Variants in CDC42BPG observed in about 807,000 individuals in gnomAD.
The protein encoded by CDC42BPG is serine/threonine-protein kinase MRCK gamma.
A neutral mutation model predicts 192.2 loss-of-function variants in CDC42BPG; 157 were observed. The ratio of observed to expected loss-of-function variants is 0.82; its 90% CI spans 0.72 to 0.93. CDC42BPG has a LOEUF of 0.93. Ranked by LOEUF, CDC42BPG falls within the 40% of genes least tolerant of loss-of-function variation. The pLI is 0.00. For missense variants in CDC42BPG, 1,992 were observed against 2,122.1 expected, an observed-to-expected ratio of 0.94 and a Z score of 1.20; for synonymous variants, 981 against 918.5, an observed-to-expected ratio of 1.07 and a Z score of -1.23.
At position 64,832,362 on chromosome 11, in the gene CDC42BPG, G is replaced by A; in HGVS notation, c.3087+66C>T. On this transcript the variant is annotated intron_variant, in intron 27 of 36. Coordinates refer to ENST00000342711, the MANE Select transcript of CDC42BPG (RefSeq NM_017525.3). Reference sequence around the variant, plus strand: ...GAGGGCAGTATGAAGTGGGGGGACAGTGGCCAGAGCTGGGACAGCATGGGG... The same window carrying A: ...GAGGGCAGTATGAAGTGGGGGGACAATGGCCAGAGCTGGGACAGCATGGGG... The A allele has an allele frequency of 3.3e-6, 5 of 1,514,160 alleles. No homozygotes were observed. In the South Asian group the frequency reaches 4.7e-5, roughly 14 times the overall value. The allele number at this position is 1,514,160 out of a possible 1,614,324, so 93.8% of individuals were successfully genotyped here. A position where few individuals can be genotyped will look rare whatever the true frequency, so the allele number is the denominator to read the frequency against.
chr11:64,835,017 T>TGCCCCACCCCC, intron 17 of CDC42BPG, 30 bp downstream of exon 17: 1 of 1,571,958 alleles, frequency 6.4e-7, no homozygotes, highest in Non-Finnish European at 8.7e-7. Flanking sequence ...TCGCCTGCGT[T>TGCCCCACCCCC]CCCCACCCCG....
chr11:64,843,284 G>A (rs1443554082), intron 1 of CDC42BPG, among the ~76,000 whole-genome samples: 1 of 152,092 alleles, frequency 6.6e-6, no homozygotes, highest in Non-Finnish European at 1.5e-5. Flanking sequence ...AGGTGCTGGA[G>A]GCAGTCAGGG....
At chr11:64,835,724 G>A (rs780322905) in intron 14 of CDC42BPG, 38 bp downstream of exon 14, 1 of 1,611,500 alleles carries the variant, frequency 6.2e-7, no homozygotes, top group Non-Finnish European at 8.5e-7. Flanking sequence ...TCAGGCTGGT[G>A]GGGAAGCACC....
In CDC42BPG at chr11:64,832,502, G is replaced by C; in HGVS notation, c.3013C>G (p.Gln1005Glu). ...GCCAGGACAGGGGTAGCCGAGAACTGGGGGTCCCTGGGAGGTTCACAGAAC... is the reference window on the plus strand; with the variant it reads ...GCCAGGACAGGGGTAGCCGAGAACTCGGGGTCCCTGGGAGGTTCACAGAAC... Reference protein sequence around the residue: ...LLQVLDLRDPQFSATPVLASD... With the variant: ...LLQVLDLRDPEFSATPVLASD... Residue 1005 changes from glutamine to glutamate, a missense_variant, in exon 27 of 37, where the codon CAG (glutamine) becomes GAG (glutamate). Physicochemically the swap from Gln to Glu is conservative, Grantham distance 29 (BLOSUM62 2). Transcript: ENST00000342711. 1 of 1,614,012 alleles carries C rather than the reference G, an allele frequency of 6.2e-7. No individual in the cohort carries two copies. Among genetic ancestry groups the C allele is most frequent in the East Asian group, 2.2e-5 (1 of 44,886 alleles).
Position 64,827,709 on chromosome 11 carries a change from C to T in CDC42BPG, c.4042G>A (p.Val1348Met). ...ACCTTCTTGAGCGGCACGGTCTGCA[C>T]CCATTCTGCCCTCCTCACGTCAAAC... ...DVFDVRRAEW[V>M]QTVPLKKVRP... is the part of the protein sequence containing the mutation. Residue 1348 changes from valine to methionine, a missense_variant, in exon 31 of 37, where the codon GTG becomes ATG. Val to Met is a conservative substitution (Grantham distance 21). Coordinates refer to ENST00000342711, the MANE Select transcript of CDC42BPG (RefSeq NM_017525.3). 1 of 1,613,242 alleles carries T rather than the reference C, an allele frequency of 6.2e-7. No individual in the cohort carries two copies. Among genetic ancestry groups the T allele is most frequent in the Non-Finnish European group, 8.5e-7 (1 of 1,179,492 alleles).
At chr11:64,829,384 C>T in intron 30 of CDC42BPG, 87 bp downstream of exon 30, 2 of 1,523,286 alleles carry the variant, frequency 1.3e-6, no homozygotes, top group Non-Finnish European at 1.8e-6. Context: ...GCCTCCAATG[C>T]CAGGCTCATG....
In CDC42BPG at chr11:64,839,013, C is replaced by T; in HGVS notation, c.876+20G>A. 6.2e-7 allele frequency: 1 copy of T among 1,613,360 alleles called. No homozygotes were observed. Among genetic ancestry groups the T allele is most frequent in the Non-Finnish European group, 8.5e-7 (1 of 1,179,958 alleles). Reference sequence around the variant, plus strand: ...GGGTCCCACTGCCCCCTCTGGAAGCCCAGAGCCTGGTGTCCAGACCTCGTG... The same window carrying T: ...GGGTCCCACTGCCCCCTCTGGAAGCTCAGAGCCTGGTGTCCAGACCTCGTG... On this transcript the variant is annotated intron_variant, in intron 7 of 36. Transcript: ENST00000342711.
At position 64,839,264 on chromosome 11, in the gene CDC42BPG, C is replaced by T. The variant is rs774160812; in HGVS notation, c.676-31G>A. 51 of 1,611,480 alleles carry T rather than the reference C, an allele frequency of 3.2e-5. No individual in the cohort carries two copies. The South Asian group carries it at 5.3e-4, about 17-fold the overall frequency. ...GGTGGTGGTGGTGAAGCCATGAGGA[C>T]AGCTTTGGGCTTGGCTGGGACTGCT... On this transcript the variant is annotated intron_variant, in intron 6 of 36. Transcript: ENST00000342711.
rs769750210 is a variant in CDC42BPG, at chr11:64,840,537, C to T, written c.432+16G>A. 3.8e-5 allele frequency: 62 copies of T among 1,612,094 alleles called. No homozygotes were observed. Among genetic ancestry groups the T allele is most frequent in the Middle Eastern group, 3.3e-4 (2 of 6,060 alleles). ...TCCCTAGGATGTTCCCCTCCAGCCC[C>T]GCCACGTATCCTCACCAGGTACTCC... is the stretch of plus-strand genomic sequence containing the variant. On this transcript the variant is annotated intron_variant, in intron 4 of 36. Coordinates refer to ENST00000342711, the MANE Select transcript of CDC42BPG (RefSeq NM_017525.3).
intron 1 of CDC42BPG, among the ~76,000 whole-genome samples, 166 bp from the exon 2 acceptor site, chr11:64,842,070 G>A (rs1943305887): frequency 6.6e-6 from 1 of 152,202 alleles, no homozygotes; most frequent in African/African-American, 2.4e-5. Flanking sequence ...TGCTCCTTTG[G>A]CCATGATCAG....
intron 28 of CDC42BPG, 21 bp from the exon 29 acceptor site, chr11:64,830,277 G>A (rs1202563777): frequency 4.4e-6 from 7 of 1,584,508 alleles, no homozygotes; most frequent in African/African-American, 2.7e-5. Context: ...GAGGCAGAGG[G>A]TCAGAGGTCA....
In CDC42BPG at chr11:64,836,165, G is replaced by C; in HGVS notation, c.1620C>G (p.Thr540=). 3.8e-6 allele frequency: 6 copies of C among 1,596,458 alleles called. No individual in the cohort carries two copies. ...QEREAATASQ[T]RALSSQLEEA... ...CCTCCAGCTGGGAGCTCAGGGCCCG[G>C]GTCTGGCTAGCTGTGGCCGCCTCTC... Residue 540 remains threonine, a synonymous_variant, in exon 13 of 37, where the codon ACC becomes ACG. Transcript: ENST00000342711.
Position 64,841,897 on chromosome 11 carries a change from G to A in CDC42BPG, c.168C>T (p.Pro56=), listed in dbSNP as rs1437996907. 2 of 1,604,556 alleles carry A rather than the reference G, an allele frequency of 1.2e-6. No individual in the cohort carries two copies. Among genetic ancestry groups the A allele is most frequent in the African/African-American group, 1.3e-5 (1 of 74,624 alleles). ...SVAQFLSWAS[P]FVSKVKELRL... ...GCAGTTCTTTCACCTTTGATACGAA[G>A]GGGCTGGCTGAGGGGACACAGGGCG... Residue 56 remains proline, a synonymous_variant, in exon 2 of 37, where the codon CCC becomes CCT. Transcript: ENST00000342711.
In CDC42BPG at chr11:64,823,085, TTTTC is replaced by T. The variant is rs1372057921; in HGVS notation, c.*1384_*1387del. Reference sequence around the variant, plus strand: ...AGCTGTCTTTATTGGTTTCCTTTTCTTTTCTTTTTTTTTTTTTTTGAGACGGAGT... The same window carrying T: ...AGCTGTCTTTATTGGTTTCCTTTTCTTTTTTTTTTTTTTTTGAGACGGAGT... On this transcript the variant is annotated 3_prime_UTR_variant, in exon 37 of 37. Coordinates refer to ENST00000342711, the MANE Select transcript of CDC42BPG (RefSeq NM_017525.3). Among the ~76,000 whole-genome samples the T allele has an allele frequency of 7.7e-5, 9 of 116,666 alleles. No individual in the cohort carries two copies. Among genetic ancestry groups the T allele is most frequent in the Non-Finnish European group, 1.5e-4 (7 of 46,272 alleles). 76.5% of individuals were successfully genotyped at this position (116,666 alleles called of 152,430 possible).
intron 34 of CDC42BPG, 67 bp downstream of exon 34, chr11:64,826,983 C>A: frequency 7.9e-7 from 1 of 1,262,142 alleles, no homozygotes; most frequent in Non-Finnish European, 1.2e-6. Flanking sequence ...GGCTAGAGCT[C>A]ACCACAGAGG....
In CDC42BPG at chr11:64,824,509, G is replaced by A. The variant is rs746526867; in HGVS notation, c.4620C>T (p.Ser1540=). 1.9e-6 allele frequency: 3 copies of A among 1,608,514 alleles called. No homozygotes were observed. The highest frequency in any genetic ancestry group is 1.1e-5 in the South Asian group (1 of 90,984). The change falls in exon 37 of 37, where the codon AGC becomes AGT. Residue 1540 remains serine, a synonymous_variant. Transcript: ENST00000342711. ...TCTCCAATTCAGGGGATAGGGGGAG[G>A]CTTCGGGGCCGTTCTGAGACCTGCA... The part of the protein sequence containing the change: ...SLMQVSERPR[S]LPLSPELESS...
At chr11:64,840,304 G>A (rs777952552) in intron 4 of CDC42BPG, 36 bp from the exon 5 acceptor site, 1 of 1,599,990 alleles carries the variant, frequency 6.3e-7, no homozygotes, top group Non-Finnish European at 8.5e-7. Flanking sequence ...CCCGGGGGAA[G>A]GGTGCACCTG....
At chr11:64,837,637 T>C (rs933113072) in intron 9 of CDC42BPG, among the ~76,000 whole-genome samples, 4 of 152,134 alleles carry the variant, frequency 2.6e-5, no homozygotes, top group African/African-American at 9.7e-5. Context: ...AATTTTTGTA[T>C]TTTTAGTAGA....
intron 5 of CDC42BPG, 111 bp from the exon 6 acceptor site, chr11:64,839,682 A>G (rs1314866975): frequency 1.1e-5 from 9 of 831,326 alleles, no homozygotes; most frequent in Non-Finnish European, 1.7e-5. Context: ...GCTCACACAC[A>G]TTCCTGTGTG....
Sources: allele counts gnomAD v4.1 joint callset (sites outside exome capture counted in the v4.1 genomes callset), GRCh38; gene constraint gnomAD v4.1.1; transcripts MANE v1.5; gene names NCBI Gene and HGNC (gene_info 2026-07-23, HGNC 2026-07-21).